Variants in ERICH3 observed in about 807,000 individuals in gnomAD.
ERICH3 encodes glutamate-rich protein 3.
ERICH3 carries 126 observed loss-of-function variants against 131.1 expected under a neutral mutation model. The ratio of observed to expected loss-of-function variants is 0.96; its 90% CI spans 0.83 to 1.11. ERICH3 has a LOEUF of 1.11. Among genes scored for constraint, ERICH3 ranks in the 50% most tolerant of loss-of-function variants. The pLI is 0.00. For synonymous variants in ERICH3, 695 were observed against 644.6 expected, an observed-to-expected ratio of 1.08 and a Z score of -1.18; for missense variants, 2,050 against 1,810.7, an observed-to-expected ratio of 1.13 and a Z score of -2.40.
chr1:74,628,719 A>G (rs1649496278), intron 7 of ERICH3, among the ~76,000 whole-genome samples: 1 of 152,036 alleles, frequency 6.6e-6, no homozygotes, highest in African/African-American at 2.4e-5. Context: ...ACACAGACAC[A>G]CTAAAGAAAA....
At chr1:74,634,584 T>A in intron 6 of ERICH3, 1 of 681,188 alleles carries the variant, frequency 1.5e-6, no homozygotes, top group Admixed American at 2.3e-5. Flanking sequence ...ACCTGATTGA[T>A]GGTGTTCACA....
chr1:74,673,721 AT>A lies in ERICH3; in HGVS notation c.-203del. On this transcript the variant is annotated 5_prime_UTR_variant, in exon 1 of 15. Coordinates refer to ENST00000326665, the MANE Select transcript of ERICH3 (RefSeq NM_001002912.5). Reference sequence around the variant, plus strand: ...TCCCGGGCTCCCACCCTCCGTTGGTATCCACAGCTTCCCTGTTGCTAAGGGA... The same window carrying A: ...TCCCGGGCTCCCACCCTCCGTTGGTACCACAGCTTCCCTGTTGCTAAGGGA... 4.5e-6 allele frequency: 2 copies of A among 443,034 alleles called. No homozygotes were observed. The highest frequency in any genetic ancestry group is 3.9e-6 in the Non-Finnish European group (1 of 254,606). The allele number at this position is 443,034 out of a possible 1,614,324, so 27.4% of individuals were successfully genotyped here.
At position 74,649,293 on chromosome 1, in the gene ERICH3, GGCTATTATATGCA is replaced by G. The variant is rs1369497999; in HGVS notation, c.33_45del (p.Ala12LeufsTer15). On this transcript the variant is annotated frameshift_variant, in exon 2 of 15. Coordinates refer to ENST00000326665, the MANE Select transcript of ERICH3 (RefSeq NM_001002912.5). LOFTEE classifies it high-confidence loss of function. ...TACCCAGCCAGGTGTTTATCCATAA[GGCTATTATATGCA>G]GCAAGTAACCTAAAATACAAAAATA... The G allele has an allele frequency of 1.9e-6, 3 of 1,611,792 alleles. No homozygotes were observed. The African/African-American group carries it at 4.0e-5, about 22-fold the overall frequency.
intron 12 of ERICH3, among the ~76,000 whole-genome samples, chr1:74,580,777 C>A (rs972473655): frequency 3.6e-4 from 55 of 152,002 alleles, no homozygotes; most frequent in African/African-American, 1.3e-3. Flanking sequence ...TTTTTCCAGC[C>A]TTTATTTTAG....
At chr1:74,621,861 T>A (rs1649234211) in intron 7 of ERICH3, 1 of 152,118 alleles carries the variant, frequency 6.6e-6, no homozygotes, top group Non-Finnish European at 1.5e-5. Context: ...GTTGAAAGAC[T>A]TTAAGGGGGG....
intron 9 of ERICH3, among the ~76,000 whole-genome samples, chr1:74,608,182 G>A (rs1171752950): frequency 6.6e-6 from 1 of 151,894 alleles, no homozygotes; most frequent in Admixed American, 6.6e-5. Context: ...TTACATAAAT[G>A]TTACACTTTG....
chr1:74,649,662 A>T (rs929372504), intron 1 of ERICH3, among the ~76,000 whole-genome samples: 2 of 152,142 alleles, frequency 1.3e-5, no homozygotes, highest in African/African-American at 4.8e-5. Context: ...TTCACATTGG[A>T]GGCCTGATGG....
At chr1:74,611,211 G>A (rs1161477422) in intron 9 of ERICH3, among the ~76,000 whole-genome samples, 5 of 151,856 alleles carry the variant, frequency 3.3e-5, no homozygotes, top group East Asian at 1.9e-4. Context: ...ATGTGTCCTC[G>A]ACCAAAACCA....
chr1:74,660,801 T>C (rs1415270712), intron 1 of ERICH3, among the ~76,000 whole-genome samples: 2 of 151,892 alleles, frequency 1.3e-5, no homozygotes, highest in South Asian at 2.1e-4. Context: ...TTATGAATGG[T>C]ACCTAATGGC....
intron 2 of ERICH3, 25 bp from the exon 3 acceptor site, chr1:74,646,817 A>C (rs1646488413): frequency 7.5e-7 from 1 of 1,325,508 alleles, no homozygotes; most frequent in Non-Finnish European, 1.0e-6. Context: ...TAAAATATAC[A>C]TAGAAATATA....
chr1:74,649,989 T>C (rs1237512442), intron 1 of ERICH3, among the ~76,000 whole-genome samples: 2 of 152,154 alleles, frequency 1.3e-5, no homozygotes, highest in Non-Finnish European at 2.9e-5. Context: ...TGTCCTCTGC[T>C]AGATTTGAAG....
Position 74,649,118 on chromosome 1 carries a change from T to G in ERICH3, c.117+104A>C, listed in dbSNP as rs1367304945. 4 of 727,674 alleles carry G rather than the reference T, an allele frequency of 5.5e-6. No homozygotes were observed. The East Asian group carries it at 1.1e-4, about 20-fold the overall frequency. The allele number at this position is 727,674 out of a possible 1,614,324, so 45.1% of individuals were successfully genotyped here. A position where few individuals can be genotyped will look rare whatever the true frequency, so the allele number is the denominator to read the frequency against. Reference sequence around the variant, plus strand: ...TGGAAAGAAAGTAATTTTTCTAAAATGAGGGCAAGTGGAAGATGTCACTCA... The same window carrying G: ...TGGAAAGAAAGTAATTTTTCTAAAAGGAGGGCAAGTGGAAGATGTCACTCA... On this transcript the variant is annotated intron_variant, in intron 2 of 14. Coordinates refer to ENST00000326665, the MANE Select transcript of ERICH3 (RefSeq NM_001002912.5).
At chr1:74,573,987 TTC>T (rs1246488831) in intron 13 of ERICH3, among the ~76,000 whole-genome samples, 4 of 151,044 alleles carry the variant, frequency 2.6e-5, no homozygotes, top group African/African-American at 7.4e-5. Context: ...TTGTCTCTTT[TTC>T]TCTCTTTTTT....
intron 11 of ERICH3, 66 bp downstream of exon 11, chr1:74,599,629 A>G (rs923993783): frequency 1.5e-6 from 2 of 1,305,396 alleles, no homozygotes; most frequent in Non-Finnish European, 2.1e-6. Context: ...TTAAATAGAA[A>G]ACAAAGAAAA....
chr1:74,570,988 G>C, intron 14 of ERICH3, 111 bp downstream of exon 14: 5 of 1,363,898 alleles, frequency 3.7e-6, no homozygotes, highest in Non-Finnish European at 4.9e-6. Context: ...ATTGAAGCCT[G>C]TGTGTTTATA....
chr1:74,601,611 A>G (rs1246953216), intron 10 of ERICH3, among the ~76,000 whole-genome samples: 1 of 151,846 alleles, frequency 6.6e-6, no homozygotes, highest in Non-Finnish European at 1.5e-5. Flanking sequence ...CTCATGGAAG[A>G]CTTCCCAAAA....
chr1:74,587,042 C>G (rs1376160428), intron 12 of ERICH3, among the ~76,000 whole-genome samples: 1 of 151,816 alleles, frequency 6.6e-6, no homozygotes, highest in East Asian at 1.9e-4. Context: ...CAAAGATAAA[C>G]AGGCTGGGCA....
rs1169203608 is a variant in ERICH3 at position 74,573,368 on chromosome 1, G to A, written c.2342C>T (p.Pro781Leu). 6.2e-7 allele frequency: 1 copy of A among 1,609,626 alleles called. No homozygotes were observed. Among genetic ancestry groups the A allele is most frequent in the African/African-American group, 1.3e-5 (1 of 74,576 alleles). The change falls in exon 14 of 15, where the codon CCC (proline) becomes CTC (leucine). Residue 781 changes from proline to leucine, a missense_variant. By Grantham distance (98) the Pro-to-Leu change is moderately conservative. Transcript: ENST00000326665. ...KKEAMEEDEA[P>L]QHRDADIVQG... Reference sequence around the variant, plus strand: ...TACTATGTCAGCATCTCTGTGCTGGGGCGCTTCATCTTCCTCCATTGCTTC... The same window carrying A: ...TACTATGTCAGCATCTCTGTGCTGGAGCGCTTCATCTTCCTCCATTGCTTC...
intron 11 of ERICH3, among the ~76,000 whole-genome samples, chr1:74,594,540 G>A (rs995729745): frequency 3.3e-5 from 5 of 151,958 alleles, no homozygotes; most frequent in Non-Finnish European, 5.9e-5. Flanking sequence ...TATGTGCCAG[G>A]CAATGTTCTA....
Sources: allele counts gnomAD v4.1 joint callset (sites outside exome capture counted in the v4.1 genomes callset), GRCh38; gene constraint gnomAD v4.1.1; transcripts MANE v1.5; gene names NCBI Gene and HGNC (gene_info 2026-07-23, HGNC 2026-07-21).